Variants in PLB1 observed in about 807,000 individuals in gnomAD.
PLB1 encodes the protein phospholipase B1, membrane-associated.
In PLB1, 242 loss-of-function variants were observed where a neutral mutation model predicts 227.4. That is an observed-to-expected ratio of 1.06 (90% CI 0.96 to 1.18). PLB1 has a LOEUF of 1.18. Among genes scored for constraint, PLB1 ranks in the 50% most tolerant of loss-of-function variants. The pLI is 0.00. For synonymous variants in PLB1, 757 were observed against 682.2 expected (o/e 1.11, Z -1.71); for missense variants, 1,858 against 1,816.3 (o/e 1.02, Z -0.42).
At chr2:28,640,906 G>T in intron 56 of PLB1, 21 bp from the exon 57 acceptor site, 1 of 1,608,204 alleles carries the variant, frequency 6.2e-7, no homozygotes, top group Non-Finnish European at 8.5e-7. Flanking sequence ...GAGAATCGAG[G>T]TGTCCTTTCT....
chr2:28,625,738 C>G (rs1323877035), intron 50 of PLB1, among the ~76,000 whole-genome samples: 3 of 152,178 alleles, frequency 2.0e-5, no homozygotes, highest in Non-Finnish European at 4.4e-5. Flanking sequence ...TTGCCTACAG[C>G]TCCCTGGAAG....
At position 28,594,055 on chromosome 2, in the gene PLB1, T is replaced by C. The variant is rs1190130661; in HGVS notation, c.2321+301T>C. The C allele has an allele frequency of 5.9e-6, 4 of 682,758 alleles. No homozygotes were observed. In the Admixed American group the frequency reaches 7.1e-5, roughly 12 times the overall value. The allele number at this position is 682,758 out of a possible 1,614,324, so 42.3% of individuals were successfully genotyped here. A position where few individuals can be genotyped will look rare whatever the true frequency, so the allele number is the denominator to read the frequency against. On this transcript the variant is annotated intron_variant, in intron 33 of 57. Coordinates refer to ENST00000327757, the MANE Select transcript of PLB1 (RefSeq NM_153021.5). ...ACCAGAAAAGCACCAAATCCCTGAATCTTCACCTCCCCGCTTGCATGTATA... is the reference window on the plus strand; with the variant it reads ...ACCAGAAAAGCACCAAATCCCTGAACCTTCACCTCCCCGCTTGCATGTATA...
At chr2:28,555,391 C>T (rs925829247) in intron 17 of PLB1, among the ~76,000 whole-genome samples, 4 of 152,168 alleles carry the variant, frequency 2.6e-5, no homozygotes, top group African/African-American at 9.7e-5. Flanking sequence ...ATCCACCCGC[C>T]GTGGCCTCCC....
chr2:28,560,028 A>G (rs1675805772), intron 17 of PLB1, among the ~76,000 whole-genome samples: 1 of 152,120 alleles, frequency 6.6e-6, no homozygotes, highest in Admixed American at 6.5e-5. Context: ...CTGGGATTGT[A>G]ATCTGGTCAC....
At chr2:28,529,620 T>G in intron 7 of PLB1, 108 bp from the exon 8 acceptor site, 2 of 1,190,554 alleles carry the variant, frequency 1.7e-6, no homozygotes, top group Admixed American at 2.0e-5. Context: ...AAGCCAGGGG[T>G]GGATAAAGCT....
intron 43 of PLB1, 147 bp downstream of exon 43, chr2:28,606,714 A>C (rs1684731414): frequency 1.4e-6 from 1 of 722,866 alleles, no homozygotes; most frequent in South Asian, 1.7e-5. Flanking sequence ...AGGGGAGTCC[A>C]TGAGGATGGA....
chr2:28,609,471 G>A (rs1438492632), intron 43 of PLB1, among the ~76,000 whole-genome samples: 3 of 151,980 alleles, frequency 2.0e-5, no homozygotes. Context: ...ATAAGTTCAT[G>A]TATCATACCC....
At chr2:28,565,150 C>A in intron 18 of PLB1, 130 bp from the exon 19 acceptor site, 1 of 711,990 alleles carries the variant, frequency 1.4e-6, no homozygotes, top group Non-Finnish European at 2.5e-6. Context: ...ATGGTGCCAT[C>A]TAGACCCTAG....
intron 49 of PLB1, among the ~76,000 whole-genome samples, chr2:28,621,382 C>T (rs1177991799): frequency 6.6e-6 from 1 of 152,174 alleles, no homozygotes; most frequent in African/African-American, 2.4e-5. Context: ...CTCAGCACCT[C>T]GACAACTGAG....
rs1281973876 is a variant in PLB1, at chr2:28,582,458, G to A, written c.1686G>A (p.Arg562=). Residue 562 remains arginine (R), a synonymous_variant, in exon 25 of 58, where the codon AGG becomes AGA. Coordinates refer to ENST00000327757, the MANE Select transcript of PLB1 (RefSeq NM_153021.5). ...CGGTGCTTGAGATCGTCAACCTGAG[G>A]GAGCTGTACCAGGAGAAAAAAGTCT... ...LVTVLEIVNL[R]ELYQEKKVYC... is the part of the protein sequence containing the mutation. 3 of 1,613,128 alleles carry A rather than the reference G, an allele frequency of 1.9e-6. No homozygotes were observed. The highest frequency in any genetic ancestry group is 4.5e-5 in the East Asian group (2 of 44,866).
chr2:28,525,238 T>G, intron 4 of PLB1, 29 bp from the exon 5 acceptor site: 1 of 1,610,696 alleles, frequency 6.2e-7, no homozygotes, highest in Non-Finnish European at 8.5e-7. Context: ...CTCCCCTGGC[T>G]GGGTGTTAAC....
chr2:28,598,753 A>G lies in PLB1; in HGVS notation c.2467A>G (p.Lys823Glu), dbSNP rs1485338554. 4 of 1,613,176 alleles carry G rather than the reference A, an allele frequency of 2.5e-6. No individual in the cohort carries two copies. The highest frequency in any genetic ancestry group is 2.2e-5 in the East Asian group (1 of 44,898). Residue 823 changes from lysine (K) to glutamate (E), a missense_variant, in exon 35 of 58, where the codon AAG becomes GAG. Coordinates refer to ENST00000327757, the MANE Select transcript of PLB1 (RefSeq NM_153021.5). The stretch of plus-strand genomic sequence containing the variant: ...CCTCAATCAAGCTGTTCCCGGAGCA[A>G]AGGCTGAGTATGGCATTTGGGGAGG... ...AFLNQAVPGA[K>E]AEDLMSQVQT...
At chr2:28,640,388 A>G (rs1348697066) in intron 56 of PLB1, among the ~76,000 whole-genome samples, 1 of 152,190 alleles carries the variant, frequency 6.6e-6, no homozygotes, top group African/African-American at 2.4e-5. Flanking sequence ...TCTATGTGGA[A>G]AACATACAAA....
At chr2:28,532,835 G>T (rs1671201073) in intron 9 of PLB1, among the ~76,000 whole-genome samples, 1 of 152,158 alleles carries the variant, frequency 6.6e-6, no homozygotes, top group African/African-American at 2.4e-5. Context: ...TGGCTTTTCT[G>T]GAAACAGGAC....
intron 25 of PLB1, among the ~76,000 whole-genome samples, chr2:28,582,994 T>A (rs1023728262): frequency 6.6e-6 from 1 of 151,708 alleles, no homozygotes; most frequent in East Asian, 1.9e-4. Context: ...GAGAAGGAGG[T>A]CAAACCAGAA....
At chr2:28,548,414 T>C (rs369956474) in intron 14 of PLB1, 14 of 334,574 alleles carry the variant, frequency 4.2e-5, no homozygotes, top group South Asian at 3.3e-4. Flanking sequence ...GAAGCCAAGC[T>C]GGATAACCGG....
chr2:28,561,374 A>G (rs1676038899), intron 17 of PLB1, among the ~76,000 whole-genome samples: 1 of 152,206 alleles, frequency 6.6e-6, no homozygotes, highest in African/African-American at 2.4e-5. Flanking sequence ...TGCTTCCTCA[A>G]AAAGATAAGC....
intron 17 of PLB1, among the ~76,000 whole-genome samples, chr2:28,562,189 A>C (rs1377619445): frequency 2.6e-5 from 4 of 152,120 alleles, no homozygotes; most frequent in African/African-American, 9.7e-5. Flanking sequence ...GAATAGACTA[A>C]ATGCCACTGA....
intron 55 of PLB1, 28 bp from the exon 56 acceptor site, chr2:28,632,916 A>G: frequency 1.3e-6 from 2 of 1,577,252 alleles, no homozygotes; most frequent in Non-Finnish European, 1.7e-6. Context: ...CTTTCCCAGG[A>G]TGATAACCTC....
Sources: allele counts gnomAD v4.1 joint callset (sites outside exome capture counted in the v4.1 genomes callset), GRCh38; gene constraint gnomAD v4.1.1; transcripts MANE v1.5; gene names NCBI Gene and HGNC (gene_info 2026-07-23, HGNC 2026-07-21).